The following AKT3 variants were observed in gnomAD, a reference collection of about 807,000 sequenced individuals.
AKT3 encodes AKT serine/threonine kinase 3, also known as RAC-gamma serine/threonine-protein kinase.
A neutral mutation model predicts 65.3 loss-of-function variants in AKT3; 15 were observed. The ratio of observed to expected loss-of-function variants is 0.23; its 90% CI spans 0.15 to 0.35. AKT3 has a LOEUF of 0.35. Among genes scored for constraint, AKT3 ranks in the 10% least tolerant of loss-of-function variants. AKT3 has a pLI of 1.00. For missense variants in AKT3, 243 were observed against 576.5 expected, an observed-to-expected ratio of 0.42 and a Z score of 5.92; for synonymous variants, 206 against 183.8, an observed-to-expected ratio of 1.12 and a Z score of -0.98.
intron 2 of AKT3, among the ~76,000 whole-genome samples, chr1:243,791,511 C>T (rs1280550277): frequency 1.3e-5 from 2 of 152,134 alleles, no homozygotes. Flanking sequence ...TTACTCAAAC[C>T]AGAGCATTAA....
chr1:243,697,288 T>C (rs1447918922), intron 2 of AKT3, among the ~76,000 whole-genome samples: 2 of 152,022 alleles, frequency 1.3e-5, no homozygotes, highest in Non-Finnish European at 2.9e-5. Context: ...TCTGGCTTAA[T>C]AGAAGACAGC....
chr1:243,498,316 G>A (rs1243018325), downstream of AKT3, among the ~76,000 whole-genome samples: 1 of 152,202 alleles, frequency 6.6e-6, no homozygotes, highest in African/African-American at 2.4e-5. Flanking sequence ...AGGGCTCTAG[G>A]GCATAGTGCA....
In AKT3 at chr1:243,503,062, CTTTT is replaced by C. The variant is rs1349316122; in HGVS notation, c.*2183_*2186del. ...CTTAAAGAACATACCTTCTAGTCTA[CTTTT>C]TTGTCAAAATGAAACATTCAACATA... On this transcript the variant is annotated 3_prime_UTR_variant, in exon 14 of 14. Coordinates refer to ENST00000673466, the MANE Select transcript of AKT3 (RefSeq NM_005465.7). The C allele has an allele frequency of 4.3e-6, 1 of 233,248 alleles. No homozygotes were observed. The highest frequency in any genetic ancestry group is 8.5e-6 in the Non-Finnish European group (1 of 117,964). The allele number at this position is 233,248 out of a possible 1,614,324, so 14.4% of individuals were successfully genotyped here.
At chr1:243,579,202 T>C (rs972520626) in intron 8 of AKT3, among the ~76,000 whole-genome samples, 5 of 152,308 alleles carry the variant, frequency 3.3e-5, no homozygotes, top group East Asian at 3.9e-4. Context: ...GGGTTTTATT[T>C]TGACATGCTG....
intron 2 of AKT3, among the ~76,000 whole-genome samples, chr1:243,727,217 G>C (rs916192332): frequency 6.6e-6 from 1 of 152,108 alleles, no homozygotes; most frequent in Non-Finnish European, 1.5e-5. Context: ...AAAAATAAAG[G>C]GCAGACAAAA....
intron 12 of AKT3, among the ~76,000 whole-genome samples, chr1:243,542,806 C>T (rs1198954970): frequency 6.6e-6 from 1 of 152,128 alleles, no homozygotes; most frequent in Non-Finnish European, 1.5e-5. Context: ...GACTCAATCA[C>T]ATTTTCCTTT....
chr1:243,526,211 T>C (rs949006545), intron 12 of AKT3, among the ~76,000 whole-genome samples: 3 of 152,020 alleles, frequency 2.0e-5, no homozygotes, highest in African/African-American at 7.3e-5. Context: ...AGAGGAAAGA[T>C]GAAATGGAAT....
intron 2 of AKT3, among the ~76,000 whole-genome samples, chr1:243,783,021 C>T (rs565241541): frequency 1.3e-4 from 20 of 152,264 alleles, no homozygotes; most frequent in Admixed American, 2.6e-4. Flanking sequence ...AAGCTCTTCC[C>T]GCTTCCTGAG....
In AKT3 at chr1:243,625,182, A is replaced by T. The variant is rs138722945; in HGVS notation, c.562-10021T>A. On this transcript the variant is annotated intron_variant, in intron 6 of 13. Coordinates refer to ENST00000673466, the MANE Select transcript of AKT3 (RefSeq NM_005465.7). The stretch of plus-strand genomic sequence containing the variant: ...AGTCTCGCTGTGTCTCCCAGGCTGG[A>T]GTACAGTGGCATGATCTCAGATCAC... The T allele has an allele frequency of 4.8e-3, 648 of 134,098 alleles. 4 individuals carry two copies. The highest frequency in any genetic ancestry group is 0.02 in the African/African-American group (625 of 31,176). 8.3% of individuals were successfully genotyped at this position (134,098 alleles called of 1,614,324 possible).
rs536414481 is a variant in AKT3 at position 243,583,396 on chromosome 1, GACTTAAACTCAAC to G, written c.697-10361_697-10349del. On this transcript the variant is annotated intron_variant, in intron 8 of 13. Coordinates refer to ENST00000673466, the MANE Select transcript of AKT3 (RefSeq NM_005465.7). ...TCAGGCAGAAAAGTCACACATTCTGGACTTAAACTCAACACTTGACCAACTGAACCTGAAAAAC... is the reference window on the plus strand; with the variant it reads ...TCAGGCAGAAAAGTCACACATTCTGGACTTGACCAACTGAACCTGAAAAAC... 5.3e-5 allele frequency among the ~76,000 whole-genome samples: 8 copies of G among 150,450 alleles called. No individual in the cohort carries two copies. In the South Asian group the frequency reaches 1.7e-3, roughly 32 times the overall value.
intron 2 of AKT3, among the ~76,000 whole-genome samples, chr1:243,841,885 T>C (rs1327180473): frequency 1.3e-5 from 2 of 152,132 alleles, no homozygotes; most frequent in Non-Finnish European, 2.9e-5. Flanking sequence ...ATTAACAGTA[T>C]TATGCTATGT....
chr1:243,797,838 G>GTAAAGTTCA (rs1692116060), intron 2 of AKT3, among the ~76,000 whole-genome samples: 1 of 148,844 alleles, frequency 6.7e-6, no homozygotes, highest in Non-Finnish European at 1.5e-5. Context: ...TCTTTATGAA[G>GTAAAGTTCA]TAATTCAAAA....
At chr1:243,517,140 G>C (rs1578275) in intron 12 of AKT3, among the ~76,000 whole-genome samples, 25,787 of 152,000 alleles carry the variant, frequency 0.17, 2,326 homozygotes, top group East Asian at 0.27. Flanking sequence ...ATTTTCCATA[G>C]ATCTGTGTTT....
chr1:243,703,838 G>A (rs376651454), intron 2 of AKT3, among the ~76,000 whole-genome samples: 1 of 151,514 alleles, frequency 6.6e-6, no homozygotes, highest in Non-Finnish European at 1.5e-5. Context: ...ATAAACTAGC[G>A]TAAGTTTTCA....
At chr1:243,612,488 G>A (rs1346882010) in intron 8 of AKT3, 3 of 152,380 alleles carry the variant, frequency 2.0e-5, no homozygotes, top group Admixed American at 6.6e-5. Context: ...TTCCATAAAG[G>A]ATATTTAATT....
chr1:243,548,579 G>A (rs1672831864), intron 11 of AKT3, among the ~76,000 whole-genome samples: 1 of 152,078 alleles, frequency 6.6e-6, no homozygotes, highest in Admixed American at 6.5e-5. Context: ...TACAATTTAA[G>A]ACTTCAAAAA....
At chr1:243,833,829 G>A (rs1694703649) in intron 2 of AKT3, among the ~76,000 whole-genome samples, 1 of 151,660 alleles carries the variant, frequency 6.6e-6, no homozygotes, top group Non-Finnish European at 1.5e-5. Flanking sequence ...GGAGGAAAAG[G>A]TGGGAGGATC....
At chr1:243,848,673 CAT>C (rs906868890) in intron 1 of AKT3, among the ~76,000 whole-genome samples, 4 of 152,188 alleles carry the variant, frequency 2.6e-5, no homozygotes, top group African/African-American at 7.2e-5. Flanking sequence ...ATACGGAACA[CAT>C]GTCTAAACTG....
At chr1:243,722,545 C>T (rs1422780938) in intron 2 of AKT3, among the ~76,000 whole-genome samples, 4 of 152,064 alleles carry the variant, frequency 2.6e-5, no homozygotes, top group Non-Finnish European at 5.9e-5. Flanking sequence ...GACCAAAGCA[C>T]GAAGTTAAAG....
Sources: gnomAD v4.1 joint callset for allele counts (sites outside exome capture counted in the v4.1 genomes callset) on GRCh38, gnomAD v4.1.1 for gene constraint, MANE v1.5 for transcripts, NCBI Gene and HGNC (gene_info 2026-07-23, HGNC 2026-07-21) for gene names.